The following FHL2 variants were observed in gnomAD, a reference collection of about 807,000 sequenced individuals.
FHL2 encodes the protein four and a half LIM domains 2, also known as four and a half LIM domains protein 2.
A neutral mutation model predicts 32.7 loss-of-function variants in FHL2; 20 were observed. That is an observed-to-expected ratio of 0.61 (90% CI 0.43 to 0.89). The LOEUF (loss-of-function observed/expected upper bound fraction) is 0.89, where lower values mean the gene tolerates loss of function less well. Ranked by LOEUF, FHL2 falls within the 40% of genes least tolerant of loss-of-function variation. FHL2 has a pLI of 0.00. For missense variants in FHL2, 311 were observed against 358.6 expected (o/e 0.87, Z 1.07); for synonymous variants, 123 against 128.1 (o/e 0.96, Z 0.27).
rs1187359509 is a variant in FHL2, at chr2:105,436,020, G to A, written c.-25+2379C>T. Among the ~76,000 whole-genome samples the A allele has an allele frequency of 2.0e-5, 3 of 152,120 alleles. No homozygotes were observed. The East Asian group carries it at 5.8e-4, about 29-fold the overall frequency. On this transcript the variant is annotated intron_variant, in intron 1 of 5. Coordinates refer to the FHL2 transcript ENST00000393352. ...TTTTTAACTATAACAAAAGTCCTGT[G>A]TTAAAATGGATTTTTATTCCTCTTT...
chr2:105,379,676 C>G (rs1312885495), intron 3 of FHL2, among the ~76,000 whole-genome samples: 2 of 152,196 alleles, frequency 1.3e-5, no homozygotes, highest in African/African-American at 4.8e-5. Flanking sequence ...CAGATTGACC[C>G]CAACTCGCTT....
chr2:105,437,213 G>A (rs975321391), intron 1 of FHL2, among the ~76,000 whole-genome samples: 19 of 152,178 alleles, frequency 1.2e-4, no homozygotes, highest in African/African-American at 4.3e-4. Flanking sequence ...CCTCCAAAGT[G>A]TAATCATTTG....
chr2:105,380,460 C>A (rs1412275317), intron 3 of FHL2, among the ~76,000 whole-genome samples: 1 of 152,094 alleles, frequency 6.6e-6, no homozygotes, highest in Non-Finnish European at 1.5e-5. Flanking sequence ...AACTCTTGGC[C>A]TTAAGTGATC....
At chr2:105,367,993 G>T (rs1680757375) in intron 4 of FHL2, among the ~76,000 whole-genome samples, 1 of 152,130 alleles carries the variant, frequency 6.6e-6, no homozygotes, top group African/African-American at 2.4e-5. Context: ...TTTATTTATT[G>T]AATACCGTGG....
chr2:105,437,117 G>A (rs1684636075), intron 1 of FHL2, among the ~76,000 whole-genome samples: 2 of 152,204 alleles, frequency 1.3e-5, no homozygotes, highest in Admixed American at 1.3e-4. Flanking sequence ...AAGATGGTGG[G>A]TGAGCAGTCA....
At chr2:105,435,695 G>A (rs553225525) in intron 1 of FHL2, among the ~76,000 whole-genome samples, 2 of 152,194 alleles carry the variant, frequency 1.3e-5, no homozygotes, top group South Asian at 4.2e-4. Flanking sequence ...GGTGGCAGGC[G>A]CCTGTAATCC....
intron 3 of FHL2, among the ~76,000 whole-genome samples, chr2:105,383,725 C>A (rs1275347068): frequency 6.6e-6 from 1 of 152,170 alleles, no homozygotes; most frequent in African/African-American, 2.4e-5. Context: ...GGCTTTACTT[C>A]CAGAAAAAAA....
intron 2 of FHL2, among the ~76,000 whole-genome samples, chr2:105,392,963 G>A (rs1323581525): frequency 2.6e-5 from 4 of 151,560 alleles, no homozygotes; most frequent in Non-Finnish European, 5.9e-5. Context: ...GGTATTACAG[G>A]CGTGCATCAC....
chr2:105,361,176 A>G lies in FHL2; in HGVS notation c.*107T>C, dbSNP rs1239304356. 3 of 1,127,246 alleles carry G rather than the reference A, an allele frequency of 2.7e-6. No individual in the cohort carries two copies. Among genetic ancestry groups the G allele is most frequent in the Non-Finnish European group, 3.9e-6 (3 of 776,334 alleles). 69.8% of individuals were successfully genotyped at this position (1,127,246 alleles called of 1,614,324 possible). On this transcript the variant is annotated 3_prime_UTR_variant, in exon 7 of 7. Transcript: ENST00000530340. ...GTATCACTGAAAAGCACTAGAAGAA[A>G]GTCTCAATGTGGCTGGAAGAAACCA...
At chr2:105,399,418 G>A (rs750716458), upstream of FHL2, 4 of 1,536,122 alleles carry the variant, frequency 2.6e-6, no homozygotes, top group Admixed American at 3.9e-5. Context: ...AGGACGTGCC[G>A]GGGGAGGCGG....
chr2:105,397,669 A>G (rs571134799), intron 1 of FHL2, among the ~76,000 whole-genome samples: 3 of 152,348 alleles, frequency 2.0e-5, no homozygotes, highest in African/African-American at 7.2e-5. Context: ...ATTTTAAACC[A>G]TGGCAGGCTA....
intron 2 of FHL2, among the ~76,000 whole-genome samples, chr2:105,395,699 A>G (rs12712206): frequency 0.61 from 92,235 of 152,026 alleles, 28,112 homozygotes; most frequent in Middle Eastern, 0.66. Context: ...TTCCTTGTTG[A>G]CTGACAAGCT....
upstream of FHL2, among the ~76,000 whole-genome samples, chr2:105,402,919 C>T (rs2104644727): frequency 6.6e-6 from 1 of 152,294 alleles, no homozygotes; most frequent in African/African-American, 2.4e-5. Context: ...CTATAGAAAG[C>T]GTAATGCTGT....
Position 105,381,242 on chromosome 2 carries a change from G to T in FHL2, c.156+5119C>A, listed in dbSNP as rs558295471. On this transcript the variant is annotated intron_variant, in intron 3 of 6. Coordinates refer to ENST00000530340, the MANE Select transcript of FHL2 (RefSeq NM_001318895.3). ...GATATTTTCTGCTTGAGATCATCAG[G>T]TTTCCAACTGTACATTCTTTCAAAT... 3.3e-5 allele frequency among the ~76,000 whole-genome samples: 5 copies of T among 152,224 alleles called. No individual in the cohort carries two copies. The East Asian group carries it at 9.7e-4, about 29-fold the overall frequency.
At chr2:105,396,401 T>C (rs922474080) in intron 2 of FHL2, among the ~76,000 whole-genome samples, 1 of 152,186 alleles carries the variant, frequency 6.6e-6, no homozygotes, top group Non-Finnish European at 1.5e-5. Context: ...AGTTTTTTTG[T>C]TCTATTCAGG....
intron 5 of FHL2, 147 bp downstream of exon 5, chr2:105,367,423 T>C (rs1333062642): frequency 1.3e-6 from 1 of 740,758 alleles, no homozygotes; most frequent in African/African-American, 1.8e-5. Flanking sequence ...GATGGATAAA[T>C]GCTCAGAATG....
At chr2:105,407,994 A>G (rs4374396) in intron 1 of FHL2, among the ~76,000 whole-genome samples, 60,397 of 152,080 alleles carry the variant, frequency 0.4, 12,238 homozygotes, top group African/African-American at 0.43. Context: ...TTCTGTCTGC[A>G]TAAATGGTAA....
intron 1 of FHL2, among the ~76,000 whole-genome samples, chr2:105,436,793 C>A (rs1183462775): frequency 2.0e-5 from 3 of 152,054 alleles, no homozygotes; most frequent in South Asian, 2.1e-4. Flanking sequence ...TTTCCATTTT[C>A]TTCTTTTTGC....
chr2:105,392,666 A>G (rs928722468), intron 2 of FHL2, among the ~76,000 whole-genome samples: 2 of 152,224 alleles, frequency 1.3e-5, no homozygotes, highest in African/African-American at 4.8e-5. Context: ...GAGTGGGGAA[A>G]GTATCAAAGC....
Sources: allele counts gnomAD v4.1 joint callset (sites outside exome capture counted in the v4.1 genomes callset), GRCh38; gene constraint gnomAD v4.1.1; transcripts MANE v1.5; gene names NCBI Gene and HGNC (gene_info 2026-07-23, HGNC 2026-07-21).